Variants in FAT4 observed in about 807,000 individuals in gnomAD.
FAT4 encodes protocadherin Fat 4.
FAT4 carries 84 observed loss-of-function variants against 303.9 expected under a neutral mutation model. The observed-to-expected ratio is 0.28, with a 90% CI of 0.23 to 0.33. The LOEUF (loss-of-function observed/expected upper bound fraction) is 0.33, where lower values mean the gene tolerates loss of function less well. Among genes scored for constraint, FAT4 ranks in the 10% least tolerant of loss-of-function variants. FAT4 has a pLI of 1.00. For missense variants in FAT4, 6,005 were observed against 6,146.8 expected (o/e 0.98, Z 0.77); for synonymous variants, 2,307 against 2,298.8 (o/e 1.00, Z -0.10).
Position 125,318,919 on chromosome 4 carries a change from A to G in FAT4, c.2508A>G (p.Lys836=), listed in dbSNP as rs1275876522. 5.6e-6 allele frequency: 9 copies of G among 1,614,098 alleles called. No homozygotes were observed. The highest frequency in any genetic ancestry group is 7.6e-6 in the Non-Finnish European group (9 of 1,180,058). Residue 836 remains lysine, a synonymous_variant, in exon 2 of 18, where the codon AAA becomes AAG. Transcript: ENST00000394329. ...ISYLITTGDQ[K]GMFAINQVTG... ...ATCTCATTACTACTGGGGATCAGAA[A>G]GGTATGTTTGCTATCAACCAGGTCA...
chr4:125,341,358 T>C (rs1425619748), intron 2 of FAT4, among the ~76,000 whole-genome samples: 1 of 152,132 alleles, frequency 6.6e-6, no homozygotes, highest in African/African-American at 2.4e-5. Flanking sequence ...TGGGAATTCA[T>C]ACAAATGTTA....
At chr4:125,424,304 T>C (rs779710793) in intron 7 of FAT4, among the ~76,000 whole-genome samples, 1 of 152,160 alleles carries the variant, frequency 6.6e-6, no homozygotes, top group Non-Finnish European at 1.5e-5. Context: ...GTTCTCCTAA[T>C]AGTGAGTGAG....
In FAT4 at chr4:125,318,833, C is replaced by T; in HGVS notation, c.2422C>T (p.Leu808=). The change falls in exon 2 of 18, where the codon CTG becomes TTG. Residue 808 remains leucine, a synonymous_variant. Transcript: ENST00000394329. ...YSFVVFENVA[L]GYHVGSVSAS... ...CTTTGTGGTTTTTGAGAACGTGGCGCTGGGATATCATGTGGGTAGTGTGTC... is the reference window on the plus strand; with the variant it reads ...CTTTGTGGTTTTTGAGAACGTGGCGTTGGGATATCATGTGGGTAGTGTGTC... 1 of 1,614,156 alleles carries T rather than the reference C, an allele frequency of 6.2e-7. No individual in the cohort carries two copies. Among genetic ancestry groups the T allele is most frequent in the Non-Finnish European group, 8.5e-7 (1 of 1,180,042 alleles).
rs1186173085 is a variant in FAT4, at chr4:125,319,449, C to G, written c.3038C>G (p.Ser1013Cys). The change falls in exon 2 of 18, where the codon TCT becomes TGT. Residue 1013 changes from serine to cysteine, a missense_variant. Ser to Cys is a moderately radical substitution (Grantham distance 112). Coordinates refer to ENST00000394329, the MANE Select transcript of FAT4 (RefSeq NM_001291303.3). ...VTLSESEPVNSRFFKVQASDK... is the reference protein window; with the variant it reads ...VTLSESEPVNCRFFKVQASDK... ...CTTTCTGAGTCAGAACCTGTGAATT[C>G]TCGATTCTTTAAAGTACAAGCTTCT... The G allele has an allele frequency of 6.2e-7, 1 of 1,613,654 alleles. No individual in the cohort carries two copies. The highest frequency in any genetic ancestry group is 8.5e-7 in the Non-Finnish European group (1 of 1,179,790).
chr4:125,335,910 C>T (rs7692092), intron 2 of FAT4, among the ~76,000 whole-genome samples: 27,045 of 151,848 alleles, frequency 0.18, 2,715 homozygotes, highest in Non-Finnish European at 0.23. Context: ...GTGCAGTACA[C>T]ATAGCACTGC....
chr4:125,475,742 A>T (rs1273363073), intron 12 of FAT4, among the ~76,000 whole-genome samples: 1 of 152,150 alleles, frequency 6.6e-6, no homozygotes, highest in African/African-American at 2.4e-5. Context: ...CTGAAATCAT[A>T]TTAGAATAAG....
intron 2 of FAT4, among the ~76,000 whole-genome samples, chr4:125,369,256 T>C (rs1224743344): frequency 3.9e-5 from 6 of 152,140 alleles, no homozygotes; most frequent in African/African-American, 1.4e-4. Context: ...CTTATCAACC[T>C]AGAGTTTTAA....
chr4:125,447,785 G>A (rs2126055968), intron 9 of FAT4, among the ~76,000 whole-genome samples: 1 of 152,036 alleles, frequency 6.6e-6, no homozygotes, highest in South Asian at 2.1e-4. Flanking sequence ...ACTAACTTTT[G>A]GAGTCCAAGT....
intron 2 of FAT4, among the ~76,000 whole-genome samples, chr4:125,322,010 A>G (rs1730974549): frequency 6.6e-6 from 1 of 152,184 alleles, no homozygotes; most frequent in African/African-American, 2.4e-5. Flanking sequence ...ATTGTACCAT[A>G]GCTCTTCAGG....
At chr4:125,476,045 A>G (rs928987446) in intron 12 of FAT4, 126 bp from the exon 13 acceptor site, 1 of 475,950 alleles carries the variant, frequency 2.1e-6, no homozygotes, top group Non-Finnish European at 3.9e-6. Context: ...TTATACATTA[A>G]ATCAAGATGT....
intron 16 of FAT4, among the ~76,000 whole-genome samples, chr4:125,486,384 G>GAACT (rs1261764860): frequency 6.6e-6 from 1 of 151,918 alleles, no homozygotes; most frequent in African/African-American, 2.4e-5. Flanking sequence ...AAGTACAAAT[G>GAACT]AACTGATTTT....
At chr4:125,454,009 A>G (rs1204013713) in intron 10 of FAT4, among the ~76,000 whole-genome samples, 1 of 152,200 alleles carries the variant, frequency 6.6e-6, no homozygotes, top group Non-Finnish European at 1.5e-5. Flanking sequence ...TATGCTATTG[A>G]TAAGTTCGAG....
intron 3 of FAT4, among the ~76,000 whole-genome samples, chr4:125,406,560 G>A (rs1439579667): frequency 3.3e-5 from 5 of 152,132 alleles, no homozygotes; most frequent in African/African-American, 1.2e-4. Flanking sequence ...GATATAAATT[G>A]TATTGAATTT....
At chr4:125,377,912 G>A (rs1733393574) in intron 2 of FAT4, among the ~76,000 whole-genome samples, 1 of 152,054 alleles carries the variant, frequency 6.6e-6, no homozygotes, top group Non-Finnish European at 1.5e-5. Flanking sequence ...ACACTTGAGT[G>A]TAAATTATAT....
chr4:125,315,622 T>C lies in FAT4; in HGVS notation c.-368T>C, dbSNP rs528302597. ...GCCGAGGAGCCCTGGCTGTTGTTTG[T>C]GCCGGACCACGGGCTTGAAGCCGCA... On this transcript the variant is annotated 5_prime_UTR_variant, in exon 1 of 18. Transcript: ENST00000394329. 6.6e-5 allele frequency among the ~76,000 whole-genome samples: 10 copies of C among 152,272 alleles called. No homozygotes were observed. Among genetic ancestry groups the C allele is most frequent in the African/African-American group, 2.2e-4 (9 of 41,572 alleles).
At position 125,439,635 on chromosome 4, in the gene FAT4, C is replaced by T. The variant is rs150908870; in HGVS notation, c.7199+5210C>T. 2.3e-3 allele frequency among the ~76,000 whole-genome samples: 356 copies of T among 152,122 alleles called. 2 individuals carry two copies. The highest frequency in any genetic ancestry group is 5.5e-3 in the African/African-American group (229 of 41,522). On this transcript the variant is annotated intron_variant, in intron 8 of 17. Transcript: ENST00000394329. The stretch of plus-strand genomic sequence containing the variant: ...ATTACAGGCGTGAGCCACCGCGCCC[C>T]GGCCAGGAAAATTTCTTAATATGTG...
At position 125,452,472 on chromosome 4, in the gene FAT4, G is replaced by A. The variant is rs142857910; in HGVS notation, c.11462G>A (p.Arg3821Gln). Residue 3821 changes from arginine to glutamine, a missense_variant, in exon 10 of 18, where the codon CGA (arginine) becomes CAA (glutamine). Coordinates refer to ENST00000394329, the MANE Select transcript of FAT4 (RefSeq NM_001291303.3). The stretch of plus-strand genomic sequence containing the variant: ...TGTCAGAATGGAGGGAGCTGTCTAC[G>A]AAGATTGGCTGTGAGCTCCGTATTA... ...GPCQNGGSCL[R>Q]RLAVSSVLKS... The A allele has an allele frequency of 2.0e-5, 33 of 1,613,984 alleles. No homozygotes were observed. The African/African-American group carries it at 2.3e-4, about 11-fold the overall frequency.
In FAT4 at chr4:125,468,555, G is replaced by A; in HGVS notation, c.11949G>A (p.Glu3983=). The A allele has an allele frequency of 6.2e-7, 1 of 1,613,366 alleles. No homozygotes were observed. The highest frequency in any genetic ancestry group is 8.5e-7 in the Non-Finnish European group (1 of 1,179,484). ...GCGAGTTGAACAGTTATGGATTTGAGGAGTTATCATACATGGAATTTCCAA... is the reference window on the plus strand; with the variant it reads ...GCGAGTTGAACAGTTATGGATTTGAAGAGTTATCATACATGGAATTTCCAA... The part of the protein sequence containing the change: ...KHCELNSYGF[E]ELSYMEFPSL... Residue 3983 remains glutamate (E), a synonymous_variant, in exon 12 of 18, where the codon GAG becomes GAA. Transcript: ENST00000394329.
In FAT4 at chr4:125,318,932, A is replaced by G. The variant is rs1730790943; in HGVS notation, c.2521A>G (p.Ile841Val). The G allele has an allele frequency of 1.9e-6, 3 of 1,614,206 alleles. No individual in the cohort carries two copies. The highest frequency in any genetic ancestry group is 2.5e-6 in the Non-Finnish European group (3 of 1,180,032). ...TTGDQKGMFAINQVTGQLTTA... is the reference protein window; with the variant it reads ...TTGDQKGMFAVNQVTGQLTTA... The stretch of plus-strand genomic sequence containing the variant: ...TGGGGATCAGAAAGGTATGTTTGCT[A>G]TCAACCAGGTCACTGGGCAGCTTAC... The change falls in exon 2 of 18, where the codon ATC becomes GTC. Residue 841 changes from isoleucine (I) to valine (V), a missense_variant. Ile to Val is a conservative substitution (Grantham distance 29). Transcript: ENST00000394329.
Sources: gnomAD v4.1 joint callset for allele counts (sites outside exome capture counted in the v4.1 genomes callset) on GRCh38, gnomAD v4.1.1 for gene constraint, MANE v1.5 for transcripts, NCBI Gene and HGNC (gene_info 2026-07-23, HGNC 2026-07-21) for gene names.